The following ADGRB3 variants were observed in gnomAD, a reference collection of about 807,000 sequenced individuals.
ADGRB3 encodes adhesion G protein-coupled receptor B3.
Under a neutral mutation model 193.4 loss-of-function variants are expected in ADGRB3, and 37 were observed. The ratio of observed to expected loss-of-function variants is 0.19; its 90% CI spans 0.15 to 0.25. The LOEUF is 0.25. Among genes scored for constraint, ADGRB3 ranks in the 10% least tolerant of loss-of-function variants. ADGRB3 has a pLI of 1.00. For missense variants in ADGRB3, 1,637 were observed against 1,852.9 expected, an observed-to-expected ratio of 0.88 and a Z score of 2.14; for synonymous variants, 690 against 644.2, an observed-to-expected ratio of 1.07 and a Z score of -1.08.
intron 10 of ADGRB3, among the ~76,000 whole-genome samples, chr6:68,990,793 T>C (rs572690873): frequency 1.3e-5 from 2 of 152,282 alleles, no homozygotes; most frequent in Admixed American, 6.5e-5. Flanking sequence ...AAAGGGCTGA[T>C]TTGAGGCAGT....
intron 3 of ADGRB3, among the ~76,000 whole-genome samples, chr6:68,710,785 T>A (rs1379254371): frequency 2.0e-5 from 3 of 152,124 alleles, no homozygotes; most frequent in African/African-American, 7.2e-5. Flanking sequence ...CCAGTGTTTC[T>A]CATCATTTCT....
intron 17 of ADGRB3, among the ~76,000 whole-genome samples, chr6:69,126,099 A>G (rs1773841739): frequency 6.6e-6 from 1 of 152,210 alleles, no homozygotes; most frequent in African/African-American, 2.4e-5. Context: ...ACTAGTTACA[A>G]ATAAAACCTA....
intron 20 of ADGRB3, among the ~76,000 whole-genome samples, chr6:69,267,668 T>A (rs1322531489): frequency 6.6e-6 from 1 of 152,168 alleles, no homozygotes; most frequent in Non-Finnish European, 1.5e-5. Flanking sequence ...TATAACCATG[T>A]GGCCTATTTT....
At chr6:69,276,284 G>A (rs1767301436) in intron 20 of ADGRB3, among the ~76,000 whole-genome samples, 1 of 152,136 alleles carries the variant, frequency 6.6e-6, no homozygotes, top group Non-Finnish European at 1.5e-5. Flanking sequence ...ATCCACAAAT[G>A]ACATTTAGTA....
intron 17 of ADGRB3, among the ~76,000 whole-genome samples, chr6:69,187,941 G>A (rs1765103948): frequency 2.0e-5 from 3 of 152,154 alleles, no homozygotes; most frequent in Admixed American, 2.0e-4. Context: ...TTAATTTGGG[G>A]TCATTCTGAA....
intron 8 of ADGRB3, among the ~76,000 whole-genome samples, chr6:68,974,095 T>C (rs1268350428): frequency 6.6e-6 from 1 of 152,142 alleles, no homozygotes; most frequent in Non-Finnish European, 1.5e-5. Flanking sequence ...TTTTAACATT[T>C]AATAGTTAAT....
chr6:69,325,068 T>C, intron 21 of ADGRB3, 46 bp downstream of exon 21: 1 of 1,578,754 alleles, frequency 6.3e-7, no homozygotes, highest in South Asian at 1.2e-5. Context: ...AAAATGACGT[T>C]GAACACACAT....
chr6:68,795,784 C>T (rs535012788), intron 3 of ADGRB3, among the ~76,000 whole-genome samples: 2 of 152,260 alleles, frequency 1.3e-5, no homozygotes, highest in African/African-American at 4.8e-5. Flanking sequence ...GAAGTTTGTA[C>T]TTTTGTCAGA....
intron 17 of ADGRB3, among the ~76,000 whole-genome samples, chr6:69,179,915 G>C (rs200717888): frequency 2.6e-5 from 4 of 152,148 alleles, no homozygotes; most frequent in African/African-American, 7.2e-5. Context: ...TAGGGCAATG[G>C]GCTGATTCAT....
intron 20 of ADGRB3, among the ~76,000 whole-genome samples, chr6:69,280,925 G>C (rs1767421912): frequency 6.6e-6 from 1 of 152,178 alleles, no homozygotes; most frequent in African/African-American, 2.4e-5. Flanking sequence ...ACAGGAAACA[G>C]AATCTCATTA....
chr6:69,116,876 G>A (rs1212755486), intron 17 of ADGRB3, among the ~76,000 whole-genome samples: 1 of 152,190 alleles, frequency 6.6e-6, no homozygotes, highest in Non-Finnish European at 1.5e-5. Flanking sequence ...TGCTTCATTA[G>A]TGCCTGCCAA....
rs969651068 is a variant in ADGRB3 at position 68,832,968 on chromosome 6, C to T, written c.758-97591C>T. 3.3e-5 allele frequency among the ~76,000 whole-genome samples: 5 copies of T among 152,112 alleles called. No homozygotes were observed. In the East Asian group the frequency reaches 9.6e-4, roughly 29 times the overall value. On this transcript the variant is annotated intron_variant, in intron 3 of 31. Coordinates refer to ENST00000370598, the MANE Select transcript of ADGRB3 (RefSeq NM_001704.3). ...TCCCATTTTGACATGTTAGCATCTG[C>T]CCACTGTGTACTTTTCTGTGTGCTA...
At chr6:68,929,844 T>C (rs1284260233) in intron 3 of ADGRB3, among the ~76,000 whole-genome samples, 1 of 152,120 alleles carries the variant, frequency 6.6e-6, no homozygotes, top group Non-Finnish European at 1.5e-5. Flanking sequence ...ACATTTTTTT[T>C]CTGCCTTTCT....
intron 3 of ADGRB3, among the ~76,000 whole-genome samples, chr6:68,899,805 G>T (rs1447090383): frequency 4.0e-5 from 6 of 151,766 alleles, no homozygotes; most frequent in Non-Finnish European, 5.9e-5. Context: ...TCTCAGCAGA[G>T]AATTTTTCTA....
At chr6:69,173,160 C>A (rs563854097) in intron 17 of ADGRB3, among the ~76,000 whole-genome samples, 55 of 152,340 alleles carry the variant, frequency 3.6e-4, no homozygotes, top group African/African-American at 1.1e-3. Flanking sequence ...GCCTCAGCCT[C>A]CCAAGTAGCT....
At chr6:68,918,107 C>T (rs1281966474) in intron 3 of ADGRB3, among the ~76,000 whole-genome samples, 1 of 152,000 alleles carries the variant, frequency 6.6e-6, no homozygotes, top group Non-Finnish European at 1.5e-5. Flanking sequence ...GAAACTAAAA[C>T]ACAATGGAAA....
intron 17 of ADGRB3, among the ~76,000 whole-genome samples, chr6:69,165,673 GTTGC>G (rs1241260917): frequency 1.3e-5 from 2 of 151,928 alleles, no homozygotes; most frequent in Admixed American, 6.6e-5. Flanking sequence ...ATACTCTAGA[GTTGC>G]TTATATTAAC....
chr6:68,837,336 A>G (rs950679948), intron 3 of ADGRB3, among the ~76,000 whole-genome samples: 5 of 152,200 alleles, frequency 3.3e-5, no homozygotes, highest in African/African-American at 1.2e-4. Flanking sequence ...TATAATGTAA[A>G]AAGTGAAAAG....
chr6:69,209,513 C>T (rs1292914410), intron 17 of ADGRB3, among the ~76,000 whole-genome samples: 2 of 152,372 alleles, frequency 1.3e-5, no homozygotes, highest in East Asian at 1.9e-4. Flanking sequence ...TTCTTGCTCA[C>T]TGGATCCAAT....
Sources: allele counts gnomAD v4.1 joint callset (sites outside exome capture counted in the v4.1 genomes callset), GRCh38; gene constraint gnomAD v4.1.1; transcripts MANE v1.5; gene names NCBI Gene and HGNC (gene_info 2026-07-23, HGNC 2026-07-21).